Variants in TRIM33 observed in about 807,000 individuals in gnomAD.
TRIM33 encodes the protein tripartite motif containing 33.
TRIM33 carries 20 observed loss-of-function variants against 125.4 expected under a neutral mutation model. That is an observed-to-expected ratio of 0.16 (90% CI 0.11 to 0.23). The LOEUF (loss-of-function observed/expected upper bound fraction) is 0.23, where lower values mean the gene tolerates loss of function less well. TRIM33 is among the 10% of genes least tolerant of loss of function. TRIM33 has a pLI of 1.00. For synonymous variants in TRIM33, 564 were observed against 513.9 expected, an observed-to-expected ratio of 1.10 and a Z score of -1.32; for missense variants, 920 against 1,411.4, an observed-to-expected ratio of 0.65 and a Z score of 5.58.
intron 5 of TRIM33, among the ~76,000 whole-genome samples, chr1:114,433,292 C>A (rs771795546): frequency 6.6e-6 from 1 of 152,136 alleles, no homozygotes; most frequent in African/African-American, 2.4e-5. Context: ...ATACTCTCTT[C>A]TCTATACTGT....
intron 18 of TRIM33, among the ~76,000 whole-genome samples, chr1:114,398,680 T>A (rs1651683355): frequency 6.6e-6 from 1 of 152,010 alleles, no homozygotes. Flanking sequence ...ATTTTAGTAA[T>A]AATCATATGG....
intron 1 of TRIM33, among the ~76,000 whole-genome samples, chr1:114,475,021 T>C (rs756166403): frequency 6.6e-6 from 1 of 151,890 alleles, no homozygotes; most frequent in Non-Finnish European, 1.5e-5. Context: ...CAGGAAGATA[T>C]AGTTATATGC....
At chr1:114,481,705 A>AT (rs1235724724) in intron 1 of TRIM33, among the ~76,000 whole-genome samples, 3 of 150,610 alleles carry the variant, frequency 2.0e-5, no homozygotes. Context: ...GTATATATAT[A>AT]TTTTTTTATA....
chr1:114,420,277 A>G (rs1169848670), intron 11 of TRIM33: 10 of 545,686 alleles, frequency 1.8e-5, no homozygotes, highest in Non-Finnish European at 3.1e-5. Context: ...CCCTCTCAGT[A>G]TAAGCCTCAA....
In TRIM33 at chr1:114,510,818, T is replaced by C; in HGVS notation, c.259A>G (p.Thr87Ala). The C allele has an allele frequency of 6.6e-7, 1 of 1,519,956 alleles. No individual in the cohort carries two copies. The highest frequency in any genetic ancestry group is 2.5e-5 in the East Asian group (1 of 39,218). The allele number at this position is 1,519,956 out of a possible 1,614,324, so 94.2% of individuals were successfully genotyped here. Residue 87 changes from threonine (T) to alanine (A), a missense_variant, in exon 1 of 20, where the codon ACT becomes GCT. Thr to Ala is a moderately conservative substitution (Grantham distance 58, BLOSUM62 0). Coordinates refer to ENST00000358465, the MANE Select transcript of TRIM33 (RefSeq NM_015906.4). ...GATACTGCGCCCCCGGCAACTCCAG[T>C]GCCCACTGAGGCCGCAGGAGATGAA... ...AASSPAASVGTGVAGGAVSTP... is the reference protein window; with the variant it reads ...AASSPAASVGAGVAGGAVSTP...
chr1:114,467,898 A>C (rs1030110456), intron 1 of TRIM33, among the ~76,000 whole-genome samples: 1 of 152,216 alleles, frequency 6.6e-6, no homozygotes, highest in African/African-American at 2.4e-5. Flanking sequence ...TTAGAAAATA[A>C]TGAAAAATTA....
rs1247705876 is a variant in TRIM33, at chr1:114,396,763, G to A, written c.*885C>T. 4.8e-6 allele frequency: 1 copy of A among 207,814 alleles called. No homozygotes were observed. Among genetic ancestry groups the A allele is most frequent in the African/African-American group, 2.3e-5 (1 of 43,874 alleles). 12.9% of individuals were successfully genotyped at this position (207,814 alleles called of 1,614,324 possible). ...TAGTGGTCTATCAGAAAACTGACAT[G>A]AAGGAAGACTGGAAAAGAGCCAGTT... On this transcript the variant is annotated 3_prime_UTR_variant, in exon 20 of 20. Coordinates refer to ENST00000358465, the MANE Select transcript of TRIM33 (RefSeq NM_015906.4).
chr1:114,482,615 C>T (rs572886146), intron 1 of TRIM33, among the ~76,000 whole-genome samples: 2 of 152,076 alleles, frequency 1.3e-5, no homozygotes, highest in African/African-American at 4.8e-5. Context: ...GATTTGTGTC[C>T]CCACCCAAAT....
At chr1:114,431,326 ATAGT>A (rs1488460393) in intron 5 of TRIM33, among the ~76,000 whole-genome samples, 1 of 152,258 alleles carries the variant, frequency 6.6e-6, no homozygotes, top group African/African-American at 2.4e-5. Flanking sequence ...TGAAAGGATA[ATAGT>A]TAAACATAGA....
At chr1:114,415,804 T>C (rs1557850833) in intron 11 of TRIM33, among the ~76,000 whole-genome samples, 1 of 151,752 alleles carries the variant, frequency 6.6e-6, no homozygotes, top group Non-Finnish European at 1.5e-5. Flanking sequence ...TCCAAAAAAT[T>C]AGCCGGGCGG....
intron 5 of TRIM33, among the ~76,000 whole-genome samples, chr1:114,431,428 T>C (rs932969289): frequency 2.0e-5 from 3 of 152,268 alleles, no homozygotes; most frequent in African/African-American, 7.2e-5. Flanking sequence ...GGTTTCCCTT[T>C]GTATACAGTA....
At chr1:114,474,069 G>A (rs1395923645) in intron 1 of TRIM33, among the ~76,000 whole-genome samples, 2 of 151,336 alleles carry the variant, frequency 1.3e-5, no homozygotes, top group African/African-American at 4.9e-5. Context: ...CGGTTAGTTT[G>A]CTTAAATTTT....
chr1:114,492,183 T>C (rs1652109460), intron 1 of TRIM33, among the ~76,000 whole-genome samples: 1 of 152,224 alleles, frequency 6.6e-6, no homozygotes, highest in Admixed American at 6.5e-5. Flanking sequence ...TTATTAATAC[T>C]GGGGTTACAA....
intron 5 of TRIM33, 25 bp from the exon 6 acceptor site, chr1:114,430,937 G>T: frequency 2.3e-6 from 3 of 1,290,326 alleles, no homozygotes; most frequent in African/African-American, 1.5e-5. Flanking sequence ...TGCATCATTA[G>T]GTTATCAACT....
intron 1 of TRIM33, among the ~76,000 whole-genome samples, chr1:114,480,473 AT>A (rs1483586138): frequency 5.5e-4 from 63 of 115,096 alleles, no homozygotes; most frequent in Non-Finnish European, 6.5e-4. Flanking sequence ...AGAATGATCA[AT>A]TTAAAAAAAA....
chr1:114,448,473 T>C (rs1649125757), intron 4 of TRIM33, among the ~76,000 whole-genome samples: 1 of 152,212 alleles, frequency 6.6e-6, no homozygotes, highest in South Asian at 2.1e-4. Flanking sequence ...TGGTCAGGAA[T>C]TGAGAATGTG....
In TRIM33 at chr1:114,422,421, G is replaced by A. The variant is rs183046719; in HGVS notation, c.1861-785C>T. ...TTGAAGGCCTTCCATGAACTAAGGG[G>A]TACATGATTATGTGAAAAGTGTGAA... is the stretch of plus-strand genomic sequence containing the variant. On this transcript the variant is annotated intron_variant, in intron 10 of 19. Coordinates refer to ENST00000358465, the MANE Select transcript of TRIM33 (RefSeq NM_015906.4). Among the ~76,000 whole-genome samples the A allele has an allele frequency of 5.9e-5, 9 of 152,072 alleles. No individual in the cohort carries two copies. The East Asian group carries it at 1.7e-3, about 29-fold the overall frequency.
chr1:114,463,988 C>T (rs1192992723), intron 2 of TRIM33, among the ~76,000 whole-genome samples: 1 of 151,956 alleles, frequency 6.6e-6, no homozygotes, highest in African/African-American at 2.4e-5. Flanking sequence ...AAGCTGGTCT[C>T]GAACTCCGGG....
At chr1:114,509,761 C>T (rs1653226825) in intron 1 of TRIM33, among the ~76,000 whole-genome samples, 1 of 152,182 alleles carries the variant, frequency 6.6e-6, no homozygotes, top group African/African-American at 2.4e-5. Context: ...GACTCACCTC[C>T]ACTGCTGCAA....
Sources: allele counts gnomAD v4.1 joint callset (sites outside exome capture counted in the v4.1 genomes callset), GRCh38; gene constraint gnomAD v4.1.1; transcripts MANE v1.5; gene names NCBI Gene and HGNC (gene_info 2026-07-23, HGNC 2026-07-21).